Variants in PTPN13 observed in about 807,000 individuals in gnomAD.
The protein encoded by PTPN13 is protein tyrosine phosphatase non-receptor type 13, also known as tyrosine-protein phosphatase non-receptor type 13.
A neutral mutation model predicts 284.0 loss-of-function variants in PTPN13; 191 were observed. The ratio of observed to expected loss-of-function variants is 0.67; its 90% confidence interval spans 0.60 to 0.76. The LOEUF (loss-of-function observed/expected upper bound fraction) is 0.76, where lower values mean the gene tolerates loss of function less well. PTPN13 is among the 30% of genes least tolerant of loss of function. The pLI is 0.00. For missense variants in PTPN13, 2,797 were observed against 2,939.9 expected, an observed-to-expected ratio of 0.95 and a Z score of 1.12; for synonymous variants, 986 against 1,022.3, an observed-to-expected ratio of 0.96 and a Z score of 0.68.
rs1426733616 is a variant in PTPN13 at position 86,761,996 on chromosome 4, A to G, written c.3554-731A>G. On this transcript the variant is annotated intron_variant, in intron 23 of 47. Coordinates refer to ENST00000411767, the MANE Select transcript of PTPN13 (RefSeq NM_080683.3). ...GCGTTTTGTTTGTTTGTTCTTTGAG[A>G]CAGTCTTGCCCTGTCACCCAGGCTG... Among the ~76,000 whole-genome samples the G allele has an allele frequency of 1.4e-4, 21 of 152,096 alleles. 1 individual carries two copies.
chr4:86,596,329 A>G (rs1363061183), intron 1 of PTPN13, among the ~76,000 whole-genome samples: 1 of 152,224 alleles, frequency 6.6e-6, no homozygotes, highest in Non-Finnish European at 1.5e-5. Context: ...TTTTACTTGC[A>G]TGTAAAGCCT....
chr4:86,806,716 G>A (rs1207601997), intron 44 of PTPN13, among the ~76,000 whole-genome samples: 1 of 152,034 alleles, frequency 6.6e-6, no homozygotes, highest in Non-Finnish European at 1.5e-5. Flanking sequence ...AATTGGTAGG[G>A]GATTTTGAAA....
rs1362333633 is a variant in PTPN13, at chr4:86,809,890, G to A, written c.7205G>A (p.Gly2402Asp). 6.2e-7 allele frequency: 1 copy of A among 1,613,962 alleles called. No individual in the cohort carries two copies. The highest frequency in any genetic ancestry group is 1.1e-5 in the South Asian group (1 of 91,080). The change falls in exon 46 of 48, where the codon GGC becomes GAC. Residue 2402 changes from glycine (G) to aspartate (D), a missense_variant. Transcript: ENST00000411767. ...TACATGAGACACATCCACAGATCAG[G>A]CCCAATCATTACGCACTGCAGTGCT... The part of the protein sequence containing the change: ...ISYMRHIHRS[G>D]PIITHCSAGI...
At chr4:86,685,577 A>AC (rs1258859605) in intron 3 of PTPN13, among the ~76,000 whole-genome samples, 2 of 152,168 alleles carry the variant, frequency 1.3e-5, no homozygotes, top group Non-Finnish European at 2.9e-5. Flanking sequence ...GCACCACCTC[A>AC]CTGCAGCCTG....
At chr4:86,715,333 G>C (rs1732897274) in intron 7 of PTPN13, among the ~76,000 whole-genome samples, 1 of 152,104 alleles carries the variant, frequency 6.6e-6, no homozygotes, top group African/African-American at 2.4e-5. Flanking sequence ...ATATGTATGT[G>C]TGTCTTTTAT....
chr4:86,791,189 C>T (rs1305172556), intron 40 of PTPN13, among the ~76,000 whole-genome samples: 1 of 152,204 alleles, frequency 6.6e-6, no homozygotes, highest in African/African-American at 2.4e-5. Flanking sequence ...CCAGGAGATA[C>T]TGTCCCATGT....
At chr4:86,796,040 GA>G (rs1233918428) in intron 40 of PTPN13, among the ~76,000 whole-genome samples, 2 of 151,918 alleles carry the variant, frequency 1.3e-5, no homozygotes, top group Admixed American at 6.6e-5. Flanking sequence ...AAGTATAATA[GA>G]AAAAATAATA....
At chr4:86,790,494 A>G (rs1742491214) in intron 40 of PTPN13, among the ~76,000 whole-genome samples, 1 of 152,184 alleles carries the variant, frequency 6.6e-6, no homozygotes, top group African/African-American at 2.4e-5. Context: ...TGTAATTACA[A>G]GTTGTGTTAA....
At chr4:86,716,928 G>A (rs995645574) in intron 8 of PTPN13, 96 bp from the exon 9 acceptor site, 19 of 817,814 alleles carry the variant, frequency 2.3e-5, no homozygotes, top group Admixed American at 1.9e-4. Flanking sequence ...GATTAGATTT[G>A]TACAACTCTA....
At chr4:86,648,015 CAAAAT>C (rs1340606697) in intron 2 of PTPN13, among the ~76,000 whole-genome samples, 8 of 152,084 alleles carry the variant, frequency 5.3e-5, no homozygotes, top group East Asian at 1.9e-4. Flanking sequence ...TAAAACATCT[CAAAAT>C]AAAATATATG....
chr4:86,721,807 C>T (rs1733696151), intron 9 of PTPN13, among the ~76,000 whole-genome samples: 1 of 148,626 alleles, frequency 6.7e-6, no homozygotes, highest in African/African-American at 2.5e-5. Context: ...AATACCATCC[C>T]AGCTCACTGC....
At chr4:86,671,350 A>T in intron 2 of PTPN13, among the ~76,000 whole-genome samples, 1 of 152,138 alleles carries the variant, frequency 6.6e-6, no homozygotes, top group East Asian at 1.9e-4. Context: ...ATATCAGTAT[A>T]ATTTATTCAG....
Position 86,741,725 on chromosome 4 carries a change from C to G in PTPN13, c.2396C>G (p.Ser799Cys), listed in dbSNP as rs1445047582. 4 of 1,613,574 alleles carry G rather than the reference C, an allele frequency of 2.5e-6. No homozygotes were observed. Among genetic ancestry groups the G allele is most frequent in the Non-Finnish European group, 3.4e-6 (4 of 1,179,706 alleles). ...ACAGGAATATTGCTTGGAGTCTGTT[C>G]TAAAGGTGTCCTTGTGTTTGAAGTT... Reference protein sequence around the residue: ...SQTGILLGVCSKGVLVFEVHN... With the variant: ...SQTGILLGVCCKGVLVFEVHN... Residue 799 changes from serine to cysteine, a missense_variant, in exon 16 of 48, where the codon TCT (serine) becomes TGT (cysteine). Physicochemically the swap from Ser to Cys is moderately radical, Grantham distance 112. Coordinates refer to ENST00000411767, the MANE Select transcript of PTPN13 (RefSeq NM_080683.3).
intron 2 of PTPN13, chr4:86,661,112 A>G (rs992036127): frequency 6.4e-5 from 29 of 454,250 alleles, no homozygotes; most frequent in African/African-American, 5.2e-4. Context: ...AGAGCATTTC[A>G]GCACCTAGAA....
chr4:86,741,412 A>G (rs1736155419), intron 15 of PTPN13, among the ~76,000 whole-genome samples: 1 of 152,170 alleles, frequency 6.6e-6, no homozygotes, highest in Non-Finnish European at 1.5e-5. Flanking sequence ...CTCCCCTTTT[A>G]AAACCATCAG....
intron 10 of PTPN13, among the ~76,000 whole-genome samples, chr4:86,727,939 C>G (rs1340267779): frequency 6.7e-6 from 1 of 149,600 alleles, no homozygotes; most frequent in Non-Finnish European, 1.5e-5. Context: ...CCTGCTTTCT[C>G]TTGTGGGCAT....
At chr4:86,754,469 C>T (rs1283073801) in intron 20 of PTPN13, among the ~76,000 whole-genome samples, 1 of 152,006 alleles carries the variant, frequency 6.6e-6, no homozygotes, top group African/African-American at 2.4e-5. Flanking sequence ...CCCACAACAA[C>T]CCTATGAGGT....
chr4:86,807,304 A>G (rs373560995), intron 44 of PTPN13, among the ~76,000 whole-genome samples: 64 of 152,324 alleles, frequency 4.2e-4, no homozygotes, highest in African/African-American at 1.3e-3. Context: ...AACTAAATCT[A>G]TGTAAATAAT....
intron 2 of PTPN13, among the ~76,000 whole-genome samples, chr4:86,658,258 C>G (rs1458375998): frequency 6.6e-6 from 1 of 152,180 alleles, no homozygotes; most frequent in Non-Finnish European, 1.5e-5. Context: ...TAAAGTCCCC[C>G]ACTAACTTCA....
Sources: allele counts gnomAD v4.1 joint callset (sites outside exome capture counted in the v4.1 genomes callset), GRCh38; gene constraint gnomAD v4.1.1; transcripts MANE v1.5; gene names NCBI Gene and HGNC (gene_info 2026-07-23, HGNC 2026-07-21).